Variants in PCSK6 observed in about 807,000 individuals in gnomAD.
PCSK6 encodes the protein proprotein convertase subtilisin/kexin type 6, also known as paired basic amino acid cleaving enzyme 4.
Under a neutral mutation model 123.3 loss-of-function variants are expected in PCSK6, and 85 were observed. That is an observed-to-expected ratio of 0.69 (90% confidence interval 0.58 to 0.83). The LOEUF is 0.83. Among genes scored for constraint, PCSK6 ranks in the 40% least tolerant of loss-of-function variants. The pLI, the probability that PCSK6 is intolerant of heterozygous loss-of-function variation, is 0.00. For missense variants in PCSK6, 1,191 were observed against 1,282.3 expected (o/e 0.93, Z 1.09); for synonymous variants, 508 against 516.0 (o/e 0.98, Z 0.21).
chr15:101,486,616 C>T (rs1158791071), intron 1 of PCSK6, among the ~76,000 whole-genome samples: 2 of 152,190 alleles, frequency 1.3e-5, no homozygotes, highest in South Asian at 2.1e-4. Flanking sequence ...GCATATTTTA[C>T]AATGGAGAGG....
chr15:101,397,355 A>G (rs2042443082), intron 7 of PCSK6, among the ~76,000 whole-genome samples: 1 of 152,124 alleles, frequency 6.6e-6, no homozygotes, highest in Non-Finnish European at 1.5e-5. Context: ...TTGCAGTATA[A>G]TCTCTTCCTA....
intron 6 of PCSK6, among the ~76,000 whole-genome samples, chr15:101,421,287 T>G (rs565829277): frequency 2.3e-4 from 35 of 152,288 alleles, no homozygotes; most frequent in Admixed American, 2.2e-3. Context: ...TTTCTTTCAG[T>G]TGATTTAATT....
chr15:101,310,934 T>C (rs1449718713), intron 20 of PCSK6, among the ~76,000 whole-genome samples: 1 of 152,178 alleles, frequency 6.6e-6, no homozygotes, highest in East Asian at 1.9e-4. Context: ...CGATATGGTT[T>C]GAACATTTGT....
rs2056099955 is a variant in PCSK6 at position 101,422,044 on chromosome 15, T to A, written c.823+5848A>T. ...GGGCAGAGGTAGGCAGGGGGTTCAATTCTTGACAAACCATACTGGGTATGC... is the reference window on the plus strand; with the variant it reads ...GGGCAGAGGTAGGCAGGGGGTTCAAATCTTGACAAACCATACTGGGTATGC... On this transcript the variant is annotated intron_variant, in intron 6 of 21. Coordinates refer to ENST00000611716, the MANE Select transcript of PCSK6 (RefSeq NM_002570.5). 2.0e-5 allele frequency among the ~76,000 whole-genome samples: 3 copies of A among 152,228 alleles called. No homozygotes were observed. The South Asian group carries it at 6.2e-4, about 32-fold the overall frequency.
At chr15:101,387,885 C>T (rs1276687405) in intron 9 of PCSK6, among the ~76,000 whole-genome samples, 1 of 152,258 alleles carries the variant, frequency 6.6e-6, no homozygotes, top group Non-Finnish European at 1.5e-5. Flanking sequence ...ATCAACCGTT[C>T]CTTCCTTGAC....
chr15:101,428,051 T>C (rs1414389559), intron 5 of PCSK6, 71 bp from the exon 6 acceptor site: 5 of 1,230,740 alleles, frequency 4.1e-6, no homozygotes, highest in Non-Finnish European at 5.8e-6. Flanking sequence ...CCTGGCTCAG[T>C]TCAATGCAAC....
intron 1 of PCSK6, among the ~76,000 whole-genome samples, chr15:101,466,560 C>T (rs1180694214): frequency 6.6e-6 from 1 of 152,110 alleles, no homozygotes; most frequent in Non-Finnish European, 1.5e-5. Context: ...TCCACAGCAG[C>T]GTTATTCACA....
At chr15:101,480,118 G>C (rs983939629) in intron 1 of PCSK6, among the ~76,000 whole-genome samples, 1 of 152,222 alleles carries the variant, frequency 6.6e-6, no homozygotes. Context: ...CCCCAGGGCG[G>C]TCTGGCTGAT....
chr15:101,459,587 G>A (rs930343388), intron 1 of PCSK6, among the ~76,000 whole-genome samples: 5 of 97,796 alleles, frequency 5.1e-5, no homozygotes, highest in African/African-American at 1.6e-4. Flanking sequence ...ACTATCATTG[G>A]GCTCCCCCTC....
In PCSK6 at chr15:101,327,958, C is replaced by T. The variant is rs569240182; in HGVS notation, c.2078-1479G>A. 2.0e-5 allele frequency among the ~76,000 whole-genome samples: 3 copies of T among 152,302 alleles called. No homozygotes were observed. In the East Asian group the frequency reaches 5.8e-4, roughly 29 times the overall value. On this transcript the variant is annotated intron_variant, in intron 15 of 21. Transcript: ENST00000611716. The stretch of plus-strand genomic sequence containing the variant: ...GATGCCACTCACCATTTCTAAAACT[C>T]ATTACTAAACTCCTCCCCCCAGCTC...
intron 1 of PCSK6, among the ~76,000 whole-genome samples, chr15:101,447,989 C>T (rs182952153): frequency 2.7e-3 from 409 of 152,342 alleles, no homozygotes; most frequent in African/African-American, 9.6e-3. Flanking sequence ...CCTGCTCAGC[C>T]CCGTGTCCTC....
At chr15:101,464,347 T>C (rs1271229973) in intron 1 of PCSK6, among the ~76,000 whole-genome samples, 1 of 152,176 alleles carries the variant, frequency 6.6e-6, no homozygotes, top group Non-Finnish European at 1.5e-5. Context: ...AGGTCATATG[T>C]ACCCACACGT....
chr15:101,369,340 A>G (rs2141463239), intron 12 of PCSK6, among the ~76,000 whole-genome samples: 1 of 152,340 alleles, frequency 6.6e-6, no homozygotes, highest in East Asian at 1.9e-4. Context: ...GCCTGGTTCC[A>G]TCTGAGAGCC....
intron 10 of PCSK6, 29 bp downstream of exon 10, chr15:101,384,293 A>C (rs1245969461): frequency 6.2e-7 from 1 of 1,609,968 alleles, no homozygotes; most frequent in Non-Finnish European, 8.5e-7. Context: ...AGGGCCACCC[A>C]ATGGTCCACC....
At chr15:101,377,220 C>T (rs1339860476) in intron 11 of PCSK6, among the ~76,000 whole-genome samples, 2 of 143,610 alleles carry the variant, frequency 1.4e-5, no homozygotes, top group Non-Finnish European at 3.1e-5. Flanking sequence ...TGGCACCTGG[C>T]CAAGGCCGGA....
intron 13 of PCSK6, among the ~76,000 whole-genome samples, chr15:101,352,779 T>C (rs1338972083): frequency 6.6e-6 from 1 of 152,238 alleles, no homozygotes; most frequent in Non-Finnish European, 1.5e-5. Context: ...TCCTTTAATT[T>C]TGTTGCGATG....
intron 16 of PCSK6, 111 bp downstream of exon 16, chr15:101,326,266 T>G: frequency 1.3e-6 from 1 of 765,318 alleles, no homozygotes; most frequent in Non-Finnish European, 2.2e-6. Context: ...GTGATGATTG[T>G]TTGGGGGTGC....
intron 6 of PCSK6, among the ~76,000 whole-genome samples, chr15:101,401,825 G>A (rs998085346): frequency 6.6e-6 from 1 of 152,142 alleles, no homozygotes; most frequent in African/African-American, 2.4e-5. Flanking sequence ...TATCAATATT[G>A]TGAAAATGGC....
At chr15:101,307,052 A>C (rs1398742082) in intron 21 of PCSK6, among the ~76,000 whole-genome samples, 161 bp downstream of exon 21, 1 of 152,232 alleles carries the variant, frequency 6.6e-6, no homozygotes, top group African/African-American at 2.4e-5. Flanking sequence ...GCTGTCTTCC[A>C]TATCAGCTAG....
Sources: allele counts gnomAD v4.1 joint callset (sites outside exome capture counted in the v4.1 genomes callset), GRCh38; gene constraint gnomAD v4.1.1; transcripts MANE v1.5; gene names NCBI Gene and HGNC (gene_info 2026-07-23, HGNC 2026-07-21).